The following EML5 variants were observed in gnomAD, a reference collection of about 807,000 sequenced individuals.
EML5 encodes the protein EMAP like 5, also known as echinoderm microtubule-associated protein-like 5.
A neutral mutation model predicts 250.0 loss-of-function variants in EML5; 120 were observed. The observed-to-expected ratio is 0.48, with a 90% CI of 0.41 to 0.56. EML5 has a LOEUF of 0.56. EML5 is among the 20% of genes least tolerant of loss of function. EML5 has a pLI of 0.00. For synonymous variants in EML5, 771 were observed against 806.5 expected, an observed-to-expected ratio of 0.96 and a Z score of 0.75; for missense variants, 2,006 against 2,437.6, an observed-to-expected ratio of 0.82 and a Z score of 3.73.
chr14:88,717,283 G>C (rs1216286728), intron 8 of EML5, among the ~76,000 whole-genome samples: 1 of 152,236 alleles, frequency 6.6e-6, no homozygotes, highest in African/African-American at 2.4e-5. Context: ...TTCAAGTTCA[G>C]CTTGTGACGG....
At chr14:88,624,827 T>C (rs2089671642) in intron 36 of EML5, 143 bp downstream of exon 36, 2 of 887,228 alleles carry the variant, frequency 2.3e-6, no homozygotes, top group Non-Finnish European at 1.7e-6. Context: ...AGAAGGCACA[T>C]AAAAGGTAAT....
chr14:88,741,760 C>T (rs770128917), intron 4 of EML5, among the ~76,000 whole-genome samples: 13 of 151,966 alleles, frequency 8.6e-5, no homozygotes, highest in African/African-American at 2.7e-4. Flanking sequence ...GAGATACATA[C>T]ATTAAATAGT....
At chr14:88,681,817 T>C (rs1217250837) in intron 21 of EML5, 73 bp downstream of exon 21, 37 of 1,458,160 alleles carry the variant, frequency 2.5e-5, no homozygotes, top group Non-Finnish European at 3.2e-5. Flanking sequence ...GTGCCTAGTT[T>C]TGCTTTCTTA....
In EML5 at chr14:88,682,583, G is replaced by A. The variant is rs140571124; in HGVS notation, c.2983-552C>T. On this transcript the variant is annotated intron_variant, in intron 20 of 43. Transcript: ENST00000554922. ...CCCTCCTCATCTGGTTGGAAACTCC[G>A]AGACTGATGCAACCAAGAACACTAG... Among the ~76,000 whole-genome samples the A allele has an allele frequency of 8.2e-3, 1,240 of 152,136 alleles. 8 individuals carry two copies. The highest frequency in any genetic ancestry group is 0.013 in the Non-Finnish European group (911 of 67,994).
chr14:88,651,745 TAATA>T (rs2091639945), intron 27 of EML5, among the ~76,000 whole-genome samples: 1 of 151,958 alleles, frequency 6.6e-6, no homozygotes, highest in Non-Finnish European at 1.5e-5. Flanking sequence ...TGTATTTATC[TAATA>T]AATACATATG....
Position 88,614,663 on chromosome 14 carries a change from A to G in EML5, c.*1155T>C, listed in dbSNP as rs768795803. 3.3e-5 allele frequency: 5 copies of G among 152,220 alleles called. No individual in the cohort carries two copies. Among genetic ancestry groups the G allele is most frequent in the Middle Eastern group, 3.2e-3 (1 of 316 alleles). 9.4% of individuals were successfully genotyped at this position (152,220 alleles called of 1,614,324 possible). A position where few individuals can be genotyped will look rare whatever the true frequency, so the allele number is the denominator to read the frequency against. On this transcript the variant is annotated 3_prime_UTR_variant, in exon 44 of 44. Coordinates refer to ENST00000554922, the MANE Select transcript of EML5 (RefSeq NM_183387.3). ...TAATTTTCAATCTTCAGGAAACTAC[A>G]GATAGGCTAGACAGCGAATTCCTGA...
intron 27 of EML5, among the ~76,000 whole-genome samples, chr14:88,654,369 T>G (rs1033728464): frequency 4.6e-5 from 7 of 152,192 alleles, no homozygotes; most frequent in Non-Finnish European, 1.0e-4. Context: ...AATTGTGATG[T>G]TAGGATGTTG....
intron 1 of EML5, among the ~76,000 whole-genome samples, chr14:88,766,464 C>T (rs1312299397): frequency 2.0e-5 from 3 of 152,126 alleles, no homozygotes; most frequent in African/African-American, 2.4e-5. Flanking sequence ...AAATAAGCCC[C>T]GGTCTCCCAT....
chr14:88,722,457 C>T (rs943763803), intron 8 of EML5, among the ~76,000 whole-genome samples: 11 of 152,262 alleles, frequency 7.2e-5, no homozygotes, highest in South Asian at 4.1e-4. Context: ...AGATCATGTC[C>T]TTTGCAGGGA....
At chr14:88,629,953 C>T (rs1042352834) in intron 33 of EML5, among the ~76,000 whole-genome samples, 1 of 150,242 alleles carries the variant, frequency 6.7e-6, no homozygotes, top group Admixed American at 6.7e-5. Context: ...TTGGGTCTTA[C>T]AAGAATCAAA....
chr14:88,726,674 A>G lies in EML5; in HGVS notation c.1054T>C (p.Trp352Arg). Residue 352 changes from tryptophan to arginine, a missense_variant, in exon 8 of 44, where the codon TGG (tryptophan) becomes CGG (arginine). Transcript: ENST00000554922. ...TGSDDRSVRI[W>R]SLVDHALIAR... ...ATTAATGCATGATCTACTAGGCTCC[A>G]TATCCTGTAAAATTTAATTTAAAAA... 1 of 1,532,038 alleles carries G rather than the reference A, an allele frequency of 6.5e-7. No individual in the cohort carries two copies. Among genetic ancestry groups the G allele is most frequent in the Non-Finnish European group, 8.8e-7 (1 of 1,139,724 alleles). The allele number at this position is 1,532,038 out of a possible 1,614,324, so 94.9% of individuals were successfully genotyped here.
At chr14:88,790,832 A>C (rs1319675945) in intron 1 of EML5, among the ~76,000 whole-genome samples, 2 of 152,136 alleles carry the variant, frequency 1.3e-5, no homozygotes, top group Non-Finnish European at 2.9e-5. Context: ...AAGATAAATA[A>C]TTACTACGGG....
intron 21 of EML5, among the ~76,000 whole-genome samples, chr14:88,670,523 CACA>C (rs2092433332): frequency 6.6e-6 from 1 of 152,050 alleles, no homozygotes; most frequent in South Asian, 2.1e-4. Context: ...TCCAAATTAA[CACA>C]ACACCTCTCC....
intron 8 of EML5, among the ~76,000 whole-genome samples, chr14:88,717,616 G>T (rs1029364030): frequency 7.2e-5 from 11 of 152,134 alleles, no homozygotes; most frequent in African/African-American, 2.7e-4. Flanking sequence ...TTAGCCAGGT[G>T]TGGTGGCATC....
chr14:88,613,272 A>G lies in EML5; in HGVS notation c.*2546T>C, dbSNP rs2087105011. 1 of 152,212 alleles carries G rather than the reference A, an allele frequency of 6.6e-6. No individual in the cohort carries two copies. Among genetic ancestry groups the G allele is most frequent in the African/African-American group, 2.4e-5 (1 of 41,454 alleles). The allele number at this position is 152,212 out of a possible 1,614,324, so 9.4% of individuals were successfully genotyped here. A position where few individuals can be genotyped will look rare whatever the true frequency, so the allele number is the denominator to read the frequency against. On this transcript the variant is annotated 3_prime_UTR_variant, in exon 44 of 44. Transcript: ENST00000554922. Reference sequence around the variant, plus strand: ...TTGGGTGAAATGACAGTTCCTCTTCATTCTAAAGGTTTACTCCATTGAATT... The same window carrying G: ...TTGGGTGAAATGACAGTTCCTCTTCGTTCTAAAGGTTTACTCCATTGAATT...
chr14:88,744,453 G>T (rs536975393), intron 3 of EML5, among the ~76,000 whole-genome samples: 2 of 151,920 alleles, frequency 1.3e-5, no homozygotes, highest in African/African-American at 2.4e-5. Context: ...AGAATGGAAC[G>T]TGACACTTAC....
intron 27 of EML5, among the ~76,000 whole-genome samples, chr14:88,656,746 GGAC>G (rs1567072629): frequency 6.6e-6 from 1 of 151,528 alleles, no homozygotes; most frequent in African/African-American, 2.4e-5. Flanking sequence ...TTTGAAATGA[GGAC>G]TGACTATGCT....
chr14:88,707,433 A>G (rs2093337544), intron 10 of EML5, among the ~76,000 whole-genome samples: 1 of 152,010 alleles, frequency 6.6e-6, no homozygotes, highest in South Asian at 2.1e-4. Flanking sequence ...TGACAGGAAT[A>G]TATTTTTAGA....
At chr14:88,749,397 A>C (rs1256455239) in intron 2 of EML5, among the ~76,000 whole-genome samples, 2 of 152,200 alleles carry the variant, frequency 1.3e-5, no homozygotes, top group Non-Finnish European at 2.9e-5. Context: ...AGCTGAGAAA[A>C]TGAATCATCA....
Sources: gnomAD v4.1 joint callset for allele counts (sites outside exome capture counted in the v4.1 genomes callset) on GRCh38, gnomAD v4.1.1 for gene constraint, MANE v1.5 for transcripts, NCBI Gene and HGNC (gene_info 2026-07-23, HGNC 2026-07-21) for gene names.